The following ULK2 variants were observed in gnomAD, a reference collection of about 807,000 sequenced individuals.
The protein encoded by ULK2 is unc-51 like autophagy activating kinase 2, also known as serine/threonine-protein kinase ULK2.
In ULK2, 76 loss-of-function variants were observed where a neutral mutation model predicts 127.5. That is an observed-to-expected ratio of 0.60 (90% confidence interval 0.50 to 0.72). The LOEUF (loss-of-function observed/expected upper bound fraction) is 0.72. Ranked by LOEUF, ULK2 falls within the 30% of genes least tolerant of loss-of-function variation. The probability of loss-of-function intolerance (pLI) is 0.00; values close to 1 mark genes in which losing one functional copy is unlikely to be tolerated. For synonymous variants in ULK2, 452 were observed against 461.9 expected, an observed-to-expected ratio of 0.98 and a Z score of 0.28; for missense variants, 1,144 against 1,295.9, an observed-to-expected ratio of 0.88 and a Z score of 1.80.
At chr17:19,838,728 A>G in intron 9 of ULK2, 145 bp from the exon 10 acceptor site, 1 of 672,168 alleles carries the variant, frequency 1.5e-6, no homozygotes, top group East Asian at 3.0e-5. Context: ...TGTAAGAGTC[A>G]TCTAAAGAAG....
At chr17:19,812,284 T>C (rs1356498243) in intron 13 of ULK2, among the ~76,000 whole-genome samples, 1 of 152,210 alleles carries the variant, frequency 6.6e-6, no homozygotes, top group Admixed American at 6.5e-5. Flanking sequence ...AGATTACAGC[T>C]GCTCATGGAG....
intron 10 of ULK2, among the ~76,000 whole-genome samples, chr17:19,836,366 G>T (rs146553144): frequency 3.3e-5 from 5 of 151,976 alleles, no homozygotes; most frequent in Non-Finnish European, 5.9e-5. Context: ...CCGAGATCGC[G>T]CCACTGCACT....
intron 3 of ULK2, among the ~76,000 whole-genome samples, chr17:19,862,040 A>C (rs2042253299): frequency 1.3e-5 from 2 of 152,202 alleles, no homozygotes; most frequent in Non-Finnish European, 2.9e-5. Context: ...TATGTTCAGA[A>C]GATATACATA....
chr17:19,857,654 C>G (rs2042162130), intron 3 of ULK2, among the ~76,000 whole-genome samples: 1 of 152,150 alleles, frequency 6.6e-6, no homozygotes. Flanking sequence ...GTTATGTATT[C>G]CTAAGTGAAA....
chr17:19,864,851 A>G lies in ULK2; in HGVS notation c.184-7T>C. ...TATTTTCATGCTGAAGTTCCTATTA[A>G]GAAAATTGAGAATGAAAAATATGTA... is the stretch of plus-strand genomic sequence containing the variant. On this transcript the variant is annotated splice_region_variant and splice_polypyrimidine_tract_variant and intron_variant, in intron 2 of 26. Coordinates refer to ENST00000395544, the MANE Select transcript of ULK2 (RefSeq NM_014683.4). The G allele has an allele frequency of 7.8e-7, 1 of 1,281,112 alleles. No homozygotes were observed. The highest frequency in any genetic ancestry group is 2.6e-5 in the Admixed American group (1 of 38,712). 79.4% of individuals were successfully genotyped at this position (1,281,112 alleles called of 1,614,324 possible).
intron 10 of ULK2, among the ~76,000 whole-genome samples, chr17:19,827,959 G>A (rs1219666801): frequency 6.7e-6 from 1 of 148,618 alleles, no homozygotes; most frequent in Non-Finnish European, 1.5e-5. Context: ...AAACTGATGA[G>A]ACCCACACAG....
chr17:19,817,308 A>T (rs2041014801), intron 12 of ULK2, among the ~76,000 whole-genome samples: 1 of 152,220 alleles, frequency 6.6e-6, no homozygotes, highest in Non-Finnish European at 1.5e-5. Context: ...AAATGTCCAG[A>T]GACTTTAAAT....
At chr17:19,807,140 T>G (rs2087531826) in intron 14 of ULK2, among the ~76,000 whole-genome samples, 1 of 152,174 alleles carries the variant, frequency 6.6e-6, no homozygotes, top group Admixed American at 6.5e-5. Context: ...TGAAACTCAA[T>G]CTAGCAGACT....
chr17:19,831,043 A>AC (rs2041429325), intron 10 of ULK2, among the ~76,000 whole-genome samples: 1 of 150,998 alleles, frequency 6.6e-6, no homozygotes, highest in Non-Finnish European at 1.5e-5. Flanking sequence ...AAAAAAAAAA[A>AC]CTACCTGAGA....
intron 12 of ULK2, among the ~76,000 whole-genome samples, chr17:19,817,737 T>C (rs2041026727): frequency 6.6e-6 from 1 of 152,222 alleles, no homozygotes; most frequent in African/African-American, 2.4e-5. Context: ...GTTTCATCTT[T>C]GCCTTTATTT....
At chr17:19,814,448 T>TG (rs1467778986) in intron 13 of ULK2, among the ~76,000 whole-genome samples, 5 of 8,092 alleles carry the variant, frequency 6.2e-4, no homozygotes, top group South Asian at 2.1e-3. Context: ...ATTTTTTTTT[T>TG]TTTTTTTTTT....
At chr17:19,783,049 TTAAA>T (rs1200677503) in intron 22 of ULK2, among the ~76,000 whole-genome samples, 1 of 152,226 alleles carries the variant, frequency 6.6e-6, no homozygotes, top group Non-Finnish European at 1.5e-5. Flanking sequence ...TCTTTTATGG[TTAAA>T]TAAAGATGAG....
chr17:19,802,012 A>AGG, intron 15 of ULK2, 90 bp from the exon 16 acceptor site: 1 of 1,430,330 alleles, frequency 7.0e-7, no homozygotes, highest in Non-Finnish European at 9.3e-7. Flanking sequence ...TATGCCACGG[A>AGG]GTAGTTTTCA....
intron 24 of ULK2, 92 bp downstream of exon 24, chr17:19,780,894 A>G (rs1226753374): frequency 5.7e-5 from 70 of 1,237,316 alleles, no homozygotes; most frequent in Non-Finnish European, 7.8e-5. Context: ...TAAAAACAAC[A>G]GTGAGTACTC....
At chr17:19,795,801 G>A in intron 19 of ULK2, 76 bp from the exon 20 acceptor site, 1 of 1,365,750 alleles carries the variant, frequency 7.3e-7, no homozygotes, top group South Asian at 1.2e-5. Flanking sequence ...GGAAGTTAGA[G>A]AATGAGGAAA....
chr17:19,811,386 T>G (rs974336008), intron 13 of ULK2: 1 of 151,976 alleles, frequency 6.6e-6, no homozygotes, highest in African/African-American at 2.4e-5. Flanking sequence ...CCTAATCATG[T>G]ATCAACCTGA....
intron 12 of ULK2, among the ~76,000 whole-genome samples, chr17:19,822,832 G>A (rs539926277): frequency 4.6e-5 from 7 of 152,034 alleles, no homozygotes; most frequent in East Asian, 3.9e-4. Flanking sequence ...GACTACAGGC[G>A]CGTGCCACCA....
At chr17:19,813,752 T>C (rs2040899207) in intron 13 of ULK2, among the ~76,000 whole-genome samples, 1 of 152,186 alleles carries the variant, frequency 6.6e-6, no homozygotes, top group Admixed American at 6.5e-5. Flanking sequence ...AAGATGTGAA[T>C]GCTCTTTATA....
Position 19,867,343 on chromosome 17 carries a change from C to T in ULK2, c.75G>A (p.Arg25=). 6.2e-7 allele frequency: 1 copy of T among 1,600,426 alleles called. No individual in the cohort carries two copies. Reference sequence around the variant, plus strand: ...CGGCGCTCACCTGGCGGTGCCGCCCCCGGAAGACCACGGCGAAGGCCCCGT... The same window carrying T: ...CGGCGCTCACCTGGCGGTGCCGCCCTCGGAAGACCACGGCGAAGGCCCCGT... ...VGHGAFAVVF[R]GRHRQKTDWE... is the part of the protein sequence containing the mutation. The change falls in exon 1 of 27, where the codon CGG becomes CGA. Residue 25 remains arginine (R), a synonymous_variant. Transcript: ENST00000395544.
Sources: gnomAD v4.1 joint callset for allele counts (sites outside exome capture counted in the v4.1 genomes callset) on GRCh38, gnomAD v4.1.1 for gene constraint, MANE v1.5 for transcripts, NCBI Gene and HGNC (gene_info 2026-07-23, HGNC 2026-07-21) for gene names.